PTPRN2: variants seen among roughly 807,000 people sequenced by gnomAD.
The protein encoded by PTPRN2 is protein tyrosine phosphatase receptor type N2, also known as receptor-type tyrosine-protein phosphatase N2.
In PTPRN2, 74 loss-of-function variants were observed where a neutral mutation model predicts 118.8. The observed-to-expected ratio is 0.62, with a 90% confidence interval of 0.52 to 0.76. PTPRN2 has a LOEUF of 0.76. Among genes scored for constraint, PTPRN2 ranks in the 30% least tolerant of loss-of-function variants. The pLI, the probability that PTPRN2 is intolerant of heterozygous loss-of-function variation, is 0.00. For synonymous variants in PTPRN2, 641 were observed against 608.0 expected (o/e 1.05, Z -0.80); for missense variants, 1,481 against 1,394.4 (o/e 1.06, Z -0.99).
chr7:157,847,109 T>A (rs1303220483), intron 12 of PTPRN2, among the ~76,000 whole-genome samples: 1 of 136,056 alleles, frequency 7.3e-6, no homozygotes, highest in Admixed American at 7.5e-5. Flanking sequence ...GACTCCATCA[T>A]GTGTGCCCGA....
intron 11 of PTPRN2, among the ~76,000 whole-genome samples, chr7:158,054,974 A>C (rs917627941): frequency 6.6e-6 from 1 of 152,166 alleles, no homozygotes; most frequent in Non-Finnish European, 1.5e-5. Flanking sequence ...CGTCCCCTTC[A>C]CTGTGGTCAG....
At chr7:157,900,090 G>A (rs1797355528) in intron 11 of PTPRN2, among the ~76,000 whole-genome samples, 1 of 152,218 alleles carries the variant, frequency 6.6e-6, no homozygotes, top group Non-Finnish European at 1.5e-5. Flanking sequence ...CACTGCTGCA[G>A]AACGGTCACC....
intron 12 of PTPRN2, among the ~76,000 whole-genome samples, chr7:157,895,685 G>A (rs1349988625): frequency 6.6e-6 from 1 of 152,110 alleles, no homozygotes; most frequent in African/African-American, 2.4e-5. Flanking sequence ...AGCATCGAGG[G>A]AGGGAGAGGT....
intron 3 of PTPRN2, among the ~76,000 whole-genome samples, chr7:158,209,977 A>C (rs1440941763): frequency 6.6e-6 from 1 of 152,190 alleles, no homozygotes; most frequent in Non-Finnish European, 1.5e-5. Context: ...ATTAAGGAGA[A>C]AATTTAGAGA....
Position 158,279,575 on chromosome 7 carries a change from C to T in PTPRN2, c.277+37244G>A, listed in dbSNP as rs11980290. ...AGGGAAGAGGGAATGGCAGTCCTCTCACGGGATCCAGCCTCCAATCAAGCC... is the reference window on the plus strand; with the variant it reads ...AGGGAAGAGGGAATGGCAGTCCTCTTACGGGATCCAGCCTCCAATCAAGCC... On this transcript the variant is annotated intron_variant, in intron 3 of 22. Coordinates refer to ENST00000389418, the MANE Select transcript of PTPRN2 (RefSeq NM_002847.5). Among the ~76,000 whole-genome samples, 1,453 of 152,338 alleles carry T rather than the reference C, an allele frequency of 9.5e-3. 24 individuals carry two copies. Among genetic ancestry groups the T allele is most frequent in the African/African-American group, 0.032 (1,335 of 41,580 alleles).
intron 9 of PTPRN2, among the ~76,000 whole-genome samples, chr7:158,122,184 A>T (rs1020654355): frequency 1.3e-5 from 2 of 152,190 alleles, no homozygotes; most frequent in Admixed American, 6.5e-5. Context: ...AGTGCCTGTG[A>T]GGGCAGTGGA....
intron 11 of PTPRN2, among the ~76,000 whole-genome samples, chr7:157,951,647 C>T (rs998997293): frequency 2.6e-5 from 4 of 152,244 alleles, no homozygotes; most frequent in African/African-American, 7.2e-5. Flanking sequence ...ATCAGAATCA[C>T]GGGCTAACGT....
At chr7:158,146,331 G>C (rs1377236121) in intron 6 of PTPRN2, among the ~76,000 whole-genome samples, 1 of 152,126 alleles carries the variant, frequency 6.6e-6, no homozygotes, top group African/African-American at 2.4e-5. Flanking sequence ...TCAAAGCCCA[G>C]TCTCCGTCCA....
At chr7:157,753,409 C>T (rs994361909) in intron 12 of PTPRN2, among the ~76,000 whole-genome samples, 3 of 152,170 alleles carry the variant, frequency 2.0e-5, no homozygotes, top group African/African-American at 7.2e-5. Context: ...CTGCCAGCCT[C>T]CTGTGCTATC....
At chr7:158,295,872 G>C (rs1800468765) in intron 3 of PTPRN2, among the ~76,000 whole-genome samples, 1 of 152,270 alleles carries the variant, frequency 6.6e-6, no homozygotes, top group African/African-American at 2.4e-5. Context: ...ATAGCACCCA[G>C]TTGTGCACTA....
Position 157,552,712 on chromosome 7 carries a change from G to C in PTPRN2, c.2903-3693C>G, listed in dbSNP as rs553920820. ...CAAAACCAAAAAAGGTGAGTTAAAG[G>C]CAGGAGTGCTGGGGTTGCCGACAGA... On this transcript the variant is annotated intron_variant, in intron 21 of 22. Transcript: ENST00000389418. Among the ~76,000 whole-genome samples the C allele has an allele frequency of 2.0e-5, 3 of 152,338 alleles. No individual in the cohort carries two copies. The East Asian group carries it at 5.8e-4, about 29-fold the overall frequency.
intron 19 of PTPRN2, among the ~76,000 whole-genome samples, chr7:157,575,063 G>A (rs1184412820): frequency 6.6e-6 from 1 of 152,190 alleles, no homozygotes; most frequent in Non-Finnish European, 1.5e-5. Flanking sequence ...TTTTCTTGGT[G>A]ATGAATCATA....
chr7:158,433,675 C>T (rs1366714919), intron 2 of PTPRN2, among the ~76,000 whole-genome samples: 1 of 152,108 alleles, frequency 6.6e-6, no homozygotes, highest in Non-Finnish European at 1.5e-5. Context: ...TTCTCTCTAC[C>T]GTACATTTGT....
chr7:157,873,522 C>T (rs991095470), intron 12 of PTPRN2, among the ~76,000 whole-genome samples: 4 of 150,818 alleles, frequency 2.7e-5, no homozygotes, highest in Admixed American at 6.6e-5. Context: ...GGGAGGAGAA[C>T]GTACTGTCCT....
chr7:158,044,000 C>G (rs374169538), intron 11 of PTPRN2, among the ~76,000 whole-genome samples: 1 of 152,230 alleles, frequency 6.6e-6, no homozygotes, highest in Non-Finnish European at 1.5e-5. Flanking sequence ...AAAGGCCACA[C>G]GCCGAGGCTG....
At chr7:158,287,850 A>G (rs1238321996) in intron 3 of PTPRN2, among the ~76,000 whole-genome samples, 1 of 152,140 alleles carries the variant, frequency 6.6e-6, no homozygotes, top group Non-Finnish European at 1.5e-5. Flanking sequence ...AGTATAGTTT[A>G]AGACTGATGT....
chr7:157,947,106 C>G (rs960932775), intron 11 of PTPRN2, among the ~76,000 whole-genome samples: 3 of 152,148 alleles, frequency 2.0e-5, no homozygotes, highest in Admixed American at 1.3e-4. Flanking sequence ...CCCTGCAGAG[C>G]TGAAGGGAGG....
At chr7:157,668,964 C>T (rs1796272261) in intron 13 of PTPRN2, among the ~76,000 whole-genome samples, 1 of 152,244 alleles carries the variant, frequency 6.6e-6, no homozygotes, top group Non-Finnish European at 1.5e-5. Flanking sequence ...CATCATAAAA[C>T]TCAGAGGGAC....
chr7:157,623,979 T>C (rs904426643), intron 14 of PTPRN2, among the ~76,000 whole-genome samples: 1 of 152,226 alleles, frequency 6.6e-6, no homozygotes, highest in Non-Finnish European at 1.5e-5. Flanking sequence ...GATAAGATGC[T>C]TTTCATCTGT....
Sources: allele counts gnomAD v4.1 joint callset (sites outside exome capture counted in the v4.1 genomes callset), GRCh38; gene constraint gnomAD v4.1.1; transcripts MANE v1.5; gene names NCBI Gene and HGNC (gene_info 2026-07-23, HGNC 2026-07-21).